FBXW7: variants seen among roughly 807,000 people sequenced by gnomAD.
The protein encoded by FBXW7 is F-box/WD repeat-containing protein 7.
Under a neutral mutation model 86.3 loss-of-function variants are expected in FBXW7, and 11 were observed. That is an observed-to-expected ratio of 0.13 (90% confidence interval 0.08 to 0.21). The LOEUF is 0.21. FBXW7 is among the 10% of genes least tolerant of loss of function. The pLI is 1.00. For synonymous variants in FBXW7, 313 were observed against 297.9 expected (o/e 1.05, Z -0.52); for missense variants, 488 against 847.4 (o/e 0.58, Z 5.27).
At chr4:152,403,477 C>CA (rs112762359) in intron 4 of FBXW7, among the ~76,000 whole-genome samples, 4,492 of 85,022 alleles carry the variant, frequency 0.053, 86 homozygotes, top group Middle Eastern at 0.11. Flanking sequence ...GACTTCATCT[C>CA]AAAAAAAAAA....
At chr4:152,534,086 A>G (rs1384569820) in intron 2 of FBXW7, among the ~76,000 whole-genome samples, 4 of 152,222 alleles carry the variant, frequency 2.6e-5, no homozygotes, top group Admixed American at 6.5e-5. Flanking sequence ...CTGACAAGAT[A>G]CCTAAAATAC....
chr4:152,411,085 A>T (rs1184862291), intron 4 of FBXW7: 3 of 807,906 alleles, frequency 3.7e-6, no homozygotes, highest in Non-Finnish European at 5.2e-6. Context: ...TAATAGGCTC[A>T]ATTACTTTCC....
At chr4:152,493,154 A>C (rs557046948) in intron 2 of FBXW7, among the ~76,000 whole-genome samples, 2 of 151,886 alleles carry the variant, frequency 1.3e-5, no homozygotes, top group South Asian at 4.2e-4. Context: ...TTTAAAGGAT[A>C]GTTTTTTTGT....
intron 2 of FBXW7, among the ~76,000 whole-genome samples, chr4:152,416,604 G>C (rs1199396998): frequency 6.6e-6 from 1 of 152,104 alleles, no homozygotes; most frequent in Non-Finnish European, 1.5e-5. Context: ...TGCAAAATTT[G>C]ATGAAAAGCT....
intron 4 of FBXW7, among the ~76,000 whole-genome samples, chr4:152,384,696 C>A (rs1270307888): frequency 6.6e-6 from 1 of 151,594 alleles, no homozygotes; most frequent in Non-Finnish European, 1.5e-5. Context: ...GGATATTTAA[C>A]CATAAATTTT....
intron 12 of FBXW7, 30 bp downstream of exon 12, chr4:152,325,976 A>G: frequency 6.4e-7 from 1 of 1,560,974 alleles, no homozygotes; most frequent in Non-Finnish European, 8.8e-7. Flanking sequence ...TCATCAGGAG[A>G]GCATTTAAGG....
At chr4:152,339,249 C>T (rs1730468160) in intron 6 of FBXW7, among the ~76,000 whole-genome samples, 1 of 152,180 alleles carries the variant, frequency 6.6e-6, no homozygotes, top group African/African-American at 2.4e-5. Flanking sequence ...CCAGAACATT[C>T]ACCTTGAGTC....
Position 152,328,374 on chromosome 4 carries a change from C to T in FBXW7, c.1252G>A (p.Val418Met), listed in dbSNP as rs755422880. The change falls in exon 11 of 14, where the codon GTG becomes ATG. Residue 418 changes from valine (V) to methionine (M), a missense_variant. By Grantham distance (21) the Val-to-Met change is conservative. Transcript: ENST00000281708. ...GACCATACTCCACCTGTATGTCCCA[C>T]TAATGTTCTCAGACACTGGAAAAAC... ...AVTGKCLRTL[V>M]GHTGGVWSSQ... 2 of 1,543,502 alleles carry T rather than the reference C, an allele frequency of 1.3e-6. No homozygotes were observed. Among genetic ancestry groups the T allele is most frequent in the Non-Finnish European group, 8.7e-7 (1 of 1,148,812 alleles).
intron 2 of FBXW7, among the ~76,000 whole-genome samples, chr4:152,492,099 T>A (rs1476301201): frequency 1.3e-5 from 2 of 152,132 alleles, no homozygotes; most frequent in Non-Finnish European, 2.9e-5. Context: ...ATTTTTTCAC[T>A]CCAGAGTAGC....
At chr4:152,528,802 A>G (rs943610610) in intron 2 of FBXW7, among the ~76,000 whole-genome samples, 1 of 152,236 alleles carries the variant, frequency 6.6e-6, no homozygotes, top group African/African-American at 2.4e-5. Flanking sequence ...ATAAAAGTAC[A>G]TTAAGACATA....
chr4:152,403,840 C>G (rs1490849524), intron 4 of FBXW7, among the ~76,000 whole-genome samples: 3 of 151,922 alleles, frequency 2.0e-5, no homozygotes, highest in African/African-American at 7.3e-5. Context: ...TTGGGGACAC[C>G]CATTTTCAAA....
intron 2 of FBXW7, among the ~76,000 whole-genome samples, chr4:152,416,000 T>C (rs554755381): frequency 1.0e-3 from 158 of 152,264 alleles, no homozygotes; most frequent in African/African-American, 3.6e-3. Flanking sequence ...AAAGCAAAAA[T>C]AGTACCTGCT....
intron 10 of FBXW7, 110 bp from the exon 11 acceptor site, chr4:152,328,499 G>A: frequency 1.5e-6 from 1 of 672,464 alleles, no homozygotes; most frequent in African/African-American, 1.9e-5. Context: ...AATTTGTTTG[G>A]CTCTTCAGAA....
chr4:152,367,043 G>T lies in FBXW7; in HGVS notation c.502-16919C>A, dbSNP rs566078673. On this transcript the variant is annotated intron_variant, in intron 4 of 13. Coordinates refer to ENST00000281708, the MANE Select transcript of FBXW7 (RefSeq NM_001349798.2). ...TCACAAGGACAGAAAACCAAACACCGCATGTTCTCACTCATAGGTGGGAAT... is the reference window on the plus strand; with the variant it reads ...TCACAAGGACAGAAAACCAAACACCTCATGTTCTCACTCATAGGTGGGAAT... 2.6e-5 allele frequency among the ~76,000 whole-genome samples: 4 copies of T among 152,182 alleles called. No individual in the cohort carries two copies. The East Asian group carries it at 7.7e-4, about 29-fold the overall frequency.
At chr4:152,347,151 T>C (rs2126637726) in intron 5 of FBXW7, 80 bp from the exon 6 acceptor site, 1 of 1,153,842 alleles carries the variant, frequency 8.7e-7, no homozygotes, top group South Asian at 1.5e-5. Context: ...TACTTATTAA[T>C]AATAGATTCT....
intron 2 of FBXW7, among the ~76,000 whole-genome samples, chr4:152,524,881 TA>T (rs1749365728): frequency 6.6e-6 from 1 of 152,242 alleles, no homozygotes; most frequent in Non-Finnish European, 1.5e-5. Flanking sequence ...ACTCACTGTA[TA>T]AGCATTCTAG....
intron 2 of FBXW7, among the ~76,000 whole-genome samples, chr4:152,512,930 C>G (rs1037066176): frequency 6.6e-6 from 1 of 152,152 alleles, no homozygotes; most frequent in African/African-American, 2.4e-5. Context: ...GGCACCATCT[C>G]GGCTCACCGC....
At chr4:152,373,097 C>T (rs1379181114) in intron 4 of FBXW7, among the ~76,000 whole-genome samples, 1 of 151,940 alleles carries the variant, frequency 6.6e-6, no homozygotes, top group African/African-American at 2.4e-5. Context: ...CAACAAATGC[C>T]TACTCCAGAT....
intron 7 of FBXW7, among the ~76,000 whole-genome samples, chr4:152,333,926 T>G (rs1729815620): frequency 6.6e-6 from 1 of 151,954 alleles, no homozygotes; most frequent in African/African-American, 2.4e-5. Context: ...TGGTGGTGCA[T>G]GCTTATAATC....
Sources: allele counts gnomAD v4.1 joint callset (sites outside exome capture counted in the v4.1 genomes callset), GRCh38; gene constraint gnomAD v4.1.1; transcripts MANE v1.5; gene names NCBI Gene and HGNC (gene_info 2026-07-23, HGNC 2026-07-21).